The following UCK2 variants were observed in gnomAD, a reference collection of about 807,000 sequenced individuals.
The protein encoded by UCK2 is cytidine monophosphokinase 2.
In UCK2, 6 loss-of-function variants were observed where a neutral mutation model predicts 30.8. That is an observed-to-expected ratio of 0.19 (90% confidence interval 0.11 to 0.38). The LOEUF (loss-of-function observed/expected upper bound fraction) is 0.38. Ranked by LOEUF, UCK2 falls within the 10% of genes least tolerant of loss-of-function variation. UCK2 has a pLI of 1.00. For synonymous variants in UCK2, 125 were observed against 133.6 expected (o/e 0.94, Z 0.45); for missense variants, 210 against 339.8 (o/e 0.62, Z 3.00).
chr1:165,883,651 TA>T (rs928203916), intron 1 of UCK2, among the ~76,000 whole-genome samples: 2 of 152,158 alleles, frequency 1.3e-5, no homozygotes, highest in Non-Finnish European at 2.9e-5. Flanking sequence ...GTGGTGATTG[TA>T]TTGTAGCTAG....
chr1:165,847,902 T>C (rs959502545), intron 1 of UCK2, among the ~76,000 whole-genome samples: 1 of 152,200 alleles, frequency 6.6e-6, no homozygotes, highest in Non-Finnish European at 1.5e-5. Context: ...GGTTTCACCA[T>C]GTTGGCCAGG....
At chr1:165,851,395 C>T (rs914390425) in intron 1 of UCK2, among the ~76,000 whole-genome samples, 3 of 151,856 alleles carry the variant, frequency 2.0e-5, no homozygotes, top group Non-Finnish European at 4.4e-5. Flanking sequence ...TTTCCTGGAT[C>T]TGGATGTGGT....
At chr1:165,881,103 G>A (rs932311961) in intron 1 of UCK2, among the ~76,000 whole-genome samples, 14 of 149,928 alleles carry the variant, frequency 9.3e-5, no homozygotes, top group African/African-American at 3.5e-4. Context: ...AACCTGGGAG[G>A]CAGAGGTTGC....
In UCK2 at chr1:165,885,417, T is replaced by C. The variant is rs180725701; in HGVS notation, c.100-4787T>C. ...ATTGTGAATCACCTTCACTGATTTGTTCCATAGATTTTGTTTTTTCCTTTC... is the reference window on the plus strand; with the variant it reads ...ATTGTGAATCACCTTCACTGATTTGCTCCATAGATTTTGTTTTTTCCTTTC... On this transcript the variant is annotated intron_variant, in intron 1 of 6. Transcript: ENST00000367879. 194 of 398,514 alleles carry C rather than the reference T, an allele frequency of 4.9e-4. 2 individuals are homozygous for C. The East Asian group carries it at 6.5e-3, about 13-fold the overall frequency. The allele number at this position is 398,514 out of a possible 1,614,324, so 24.7% of individuals were successfully genotyped here. A position where few individuals can be genotyped will look rare whatever the true frequency, so the allele number is the denominator to read the frequency against.
At chr1:165,829,402 A>G (rs1195070218) in intron 1 of UCK2, among the ~76,000 whole-genome samples, 1 of 152,040 alleles carries the variant, frequency 6.6e-6, no homozygotes, top group African/African-American at 2.4e-5. Context: ...TTCCTGTTGG[A>G]TTGGGAGCAT....
chr1:165,830,489 C>T (rs911500097), intron 1 of UCK2, among the ~76,000 whole-genome samples: 2 of 151,112 alleles, frequency 1.3e-5, no homozygotes. Flanking sequence ...CACGCCTGGC[C>T]AATGTTTTTG....
intron 2 of UCK2, chr1:165,890,770 T>G: frequency 4.0e-6 from 1 of 248,340 alleles, no homozygotes; most frequent in South Asian, 5.5e-5. Flanking sequence ...GCAGGGTGGC[T>G]GCCAGAGTGG....
At chr1:165,891,512 G>A (rs1655767428) in intron 3 of UCK2, 190 bp downstream of exon 3, 4 of 576,726 alleles carry the variant, frequency 6.9e-6, no homozygotes, top group African/African-American at 3.8e-5. Context: ...AGGTTGGGGA[G>A]TTCATCTGAG....
chr1:165,885,105 C>T, intron 1 of UCK2: 1 of 341,102 alleles, frequency 2.9e-6, no homozygotes, highest in Non-Finnish European at 5.3e-6. Flanking sequence ...CTCATCAGTT[C>T]CCTCCCTGTC....
chr1:165,883,059 C>T lies in UCK2; in HGVS notation c.100-7145C>T, dbSNP rs529682706. ...CAGGATGGTCTTGATCTCTTGACCT[C>T]GTGATCTGCCTGACTCGGCCTCTCA... On this transcript the variant is annotated intron_variant, in intron 1 of 6. Coordinates refer to ENST00000367879, the MANE Select transcript of UCK2 (RefSeq NM_012474.5). Among the ~76,000 whole-genome samples the T allele has an allele frequency of 7.9e-5, 12 of 152,210 alleles. No individual in the cohort carries two copies. The East Asian group carries it at 9.7e-4, about 12-fold the overall frequency.
chr1:165,901,032 C>CCGGA (rs1463274361), intron 4 of UCK2, among the ~76,000 whole-genome samples: 1 of 152,070 alleles, frequency 6.6e-6, no homozygotes, highest in African/African-American at 2.4e-5. Context: ...GCCATGTGTG[C>CCGGA]CGGAGCTCTG....
intron 1 of UCK2, 123 bp downstream of exon 1, chr1:165,828,055 C>G: frequency 3.2e-6 from 2 of 634,148 alleles, no homozygotes. Flanking sequence ...CCTCCGCTCC[C>G]GGCCGCGCTC....
chr1:165,863,778 C>T (rs977653698), intron 1 of UCK2, among the ~76,000 whole-genome samples: 11 of 152,162 alleles, frequency 7.2e-5, no homozygotes, highest in African/African-American at 2.7e-4. Context: ...GTAGTAGACT[C>T]ATGGAGGTCA....
chr1:165,859,678 T>A (rs1654845749), intron 1 of UCK2, among the ~76,000 whole-genome samples: 1 of 151,926 alleles, frequency 6.6e-6, no homozygotes, highest in Non-Finnish European at 1.5e-5. Context: ...CCACAAAAAA[T>A]TAGCAGGGTG....
chr1:165,861,627 C>CAAAAAAAAAAAA (rs1223282712), intron 1 of UCK2, among the ~76,000 whole-genome samples: 1 of 15,920 alleles, frequency 6.3e-5, no homozygotes, highest in African/African-American at 2.4e-4. Flanking sequence ...GACTCCGTCT[C>CAAAAAAAAAAAA]AAAAAAAAAA....
At chr1:165,844,424 T>C (rs188717054) in intron 1 of UCK2, among the ~76,000 whole-genome samples, 21 of 152,352 alleles carry the variant, frequency 1.4e-4, no homozygotes, top group African/African-American at 4.6e-4. Flanking sequence ...ACCCTGTGGA[T>C]AGGGGCACTA....
chr1:165,906,908 C>G (rs1410466039), intron 6 of UCK2, among the ~76,000 whole-genome samples: 1 of 152,208 alleles, frequency 6.6e-6, no homozygotes, highest in Non-Finnish European at 1.5e-5. Flanking sequence ...CAGCAGAATG[C>G]AGTCATTAAA....
At chr1:165,882,740 T>A (rs114101510) in intron 1 of UCK2, among the ~76,000 whole-genome samples, 1 of 152,196 alleles carries the variant, frequency 6.6e-6, no homozygotes, top group Non-Finnish European at 1.5e-5. Flanking sequence ...CCTATAGGCC[T>A]ACCTTCTAGT....
At chr1:165,852,639 G>A (rs1654626865) in intron 1 of UCK2, among the ~76,000 whole-genome samples, 2 of 152,158 alleles carry the variant, frequency 1.3e-5, no homozygotes, top group South Asian at 4.1e-4. Flanking sequence ...AGTGCTTATG[G>A]TTTTTAAAAG....
Sources: allele counts gnomAD v4.1 joint callset (sites outside exome capture counted in the v4.1 genomes callset), GRCh38; gene constraint gnomAD v4.1.1; transcripts MANE v1.5; gene names NCBI Gene and HGNC (gene_info 2026-07-23, HGNC 2026-07-21).